CSMD1: variants seen among roughly 807,000 people sequenced by gnomAD.
The protein encoded by CSMD1 is CUB and sushi domain-containing protein 1.
In CSMD1, 213 loss-of-function variants were observed where a neutral mutation model predicts 417.5. That is an observed-to-expected ratio of 0.51 (90% confidence interval 0.46 to 0.57). The LOEUF (loss-of-function observed/expected upper bound fraction) is 0.57, where lower values mean the gene tolerates loss of function less well. CSMD1 is among the 20% of genes least tolerant of loss of function. The pLI is 0.00. For synonymous variants in CSMD1, 2,862 were observed against 1,736.8 expected, an observed-to-expected ratio of 1.65 and a Z score of -16.11; for missense variants, 6,923 against 4,529.7, an observed-to-expected ratio of 1.53 and a Z score of -15.17.
Position 2,937,677 on chromosome 8 carries a change from C to T in CSMD1, c.*908G>A, listed in dbSNP as rs906793477. 8 of 152,128 alleles carry T rather than the reference C, an allele frequency of 5.3e-5. No individual in the cohort carries two copies. Among genetic ancestry groups the T allele is most frequent in the African/African-American group, 1.9e-4 (8 of 41,388 alleles). The allele number at this position is 152,128 out of a possible 1,614,324, so 9.4% of individuals were successfully genotyped here. ...GGCTTCTGTTTTTTTCTCATTGGAC[C>T]TCTTCAATGAATTCAACACGTAAAT... On this transcript the variant is annotated 3_prime_UTR_variant, in exon 70 of 70. Transcript: ENST00000635120.
intron 3 of CSMD1, among the ~76,000 whole-genome samples, chr8:4,080,069 G>C (rs1466418225): frequency 1.3e-5 from 2 of 150,702 alleles, no homozygotes; most frequent in South Asian, 4.2e-4. Context: ...CGACTCATCT[G>C]ACAACAGTCT....
At chr8:2,992,320 G>A (rs1015721361) in intron 54 of CSMD1, among the ~76,000 whole-genome samples, 1 of 152,182 alleles carries the variant, frequency 6.6e-6, no homozygotes, top group Non-Finnish European at 1.5e-5. Flanking sequence ...AAACATCTGG[G>A]AACTAGACAG....
At chr8:4,440,390 GA>G (rs1244937083) in intron 2 of CSMD1, among the ~76,000 whole-genome samples, 49 of 152,202 alleles carry the variant, frequency 3.2e-4, no homozygotes, top group African/African-American at 1.2e-3. Flanking sequence ...GGAGTCAGAG[GA>G]TTGCTCTCAC....
At chr8:3,378,789 C>A (rs944246945) in intron 18 of CSMD1, among the ~76,000 whole-genome samples, 1 of 152,202 alleles carries the variant, frequency 6.6e-6, no homozygotes, top group African/African-American at 2.4e-5. Context: ...CAGCCAATAT[C>A]ATGCTGAATG....
chr8:3,923,258 A>T (rs1809404916), intron 5 of CSMD1, among the ~76,000 whole-genome samples: 1 of 151,990 alleles, frequency 6.6e-6, no homozygotes, highest in African/African-American at 2.4e-5. Flanking sequence ...GAGTCTGGTG[A>T]GTGGAGTGTC....
rs183887116 is a variant in CSMD1 at position 4,646,731 on chromosome 8, A to G, written c.86-9173T>C. Among the ~76,000 whole-genome samples, 394 of 152,332 alleles carry G rather than the reference A, an allele frequency of 2.6e-3. 2 individuals are homozygous for G. Among genetic ancestry groups the G allele is most frequent in the African/African-American group, 8.4e-3 (349 of 41,584 alleles). On this transcript the variant is annotated intron_variant, in intron 1 of 69. Coordinates refer to ENST00000635120, the MANE Select transcript of CSMD1 (RefSeq NM_033225.6). ...AGAGTTCACCTCCAAAGAGAAATTG[A>G]AATGTTAAAAAGTCATACTAAAACC...
chr8:4,808,392 G>C (rs1362172860), intron 1 of CSMD1, among the ~76,000 whole-genome samples: 3 of 152,166 alleles, frequency 2.0e-5, no homozygotes, highest in African/African-American at 4.8e-5. Flanking sequence ...CTTTTGCTAA[G>C]TTCTGTGAAT....
At chr8:4,440,949 A>T (rs1306502089) in intron 2 of CSMD1, among the ~76,000 whole-genome samples, 1 of 151,586 alleles carries the variant, frequency 6.6e-6, no homozygotes, top group Non-Finnish European at 1.5e-5. Context: ...GCGAGCCGAG[A>T]TCATGCCACT....
intron 5 of CSMD1, among the ~76,000 whole-genome samples, chr8:3,900,013 G>T (rs544896705): frequency 6.6e-6 from 1 of 152,318 alleles, no homozygotes; most frequent in African/African-American, 2.4e-5. Flanking sequence ...AATGCAGCTG[G>T]GTGACACTAG....
intron 3 of CSMD1, among the ~76,000 whole-genome samples, chr8:4,354,388 T>A (rs976174249): frequency 1.3e-5 from 2 of 152,166 alleles, no homozygotes; most frequent in East Asian, 3.9e-4. Context: ...TTCGTAACTA[T>A]TAAAATACAC....
intron 1 of CSMD1, among the ~76,000 whole-genome samples, chr8:4,754,502 T>G (rs1462434828): frequency 6.6e-6 from 1 of 151,986 alleles, no homozygotes; most frequent in African/African-American, 2.4e-5. Flanking sequence ...AAGTTTAGCA[T>G]AAATGCACTC....
intron 5 of CSMD1, among the ~76,000 whole-genome samples, chr8:3,967,456 G>T (rs1280985785): frequency 1.4e-5 from 1 of 70,808 alleles, no homozygotes; most frequent in Non-Finnish European, 2.5e-5. Flanking sequence ...TTTGCTAAAA[G>T]GAAAAAAAAA....
At position 4,567,966 on chromosome 8, in the gene CSMD1, G is replaced by A. The variant is rs139566889; in HGVS notation, c.302+69376C>T. 1.1e-3 allele frequency among the ~76,000 whole-genome samples: 170 copies of A among 152,208 alleles called. 1 individual carries two copies. Among genetic ancestry groups the A allele is most frequent in the African/African-American group, 3.7e-3 (153 of 41,536 alleles). On this transcript the variant is annotated intron_variant, in intron 2 of 69. Transcript: ENST00000635120. ...CGTAACAGAGATTCTTACAGCACAA[G>A]GACTGTTATTTAACTTTGAGTATCA...
In CSMD1 at chr8:4,712,781, C is replaced by T. The variant is rs561937500; in HGVS notation, c.86-75223G>A. 1.7e-3 allele frequency among the ~76,000 whole-genome samples: 254 copies of T among 152,122 alleles called. 1 individual carries two copies. The highest frequency in any genetic ancestry group is 6.8e-3 in the Middle Eastern group (2 of 294). ...CTCCTTCTTTCTTTTGGGACCACTG[C>T]CTGTTGGTTTCGTGCTGAGGCACAT... On this transcript the variant is annotated intron_variant, in intron 1 of 69. Coordinates refer to ENST00000635120, the MANE Select transcript of CSMD1 (RefSeq NM_033225.6).
In CSMD1 at chr8:4,139,880, T is replaced by A. The variant is rs368264259; in HGVS notation, c.416-107781A>T. 2.7e-4 allele frequency among the ~76,000 whole-genome samples: 40 copies of A among 150,828 alleles called. 3 individuals carry two copies. The highest frequency in any genetic ancestry group is 9.9e-4 in the African/African-American group (40 of 40,230). ...TGGAAATTTTAGATCAGCATGTTCA[T>A]CAGAAGCAAGGGTGGAAGGGAGGAC... On this transcript the variant is annotated intron_variant, in intron 3 of 69. Coordinates refer to ENST00000635120, the MANE Select transcript of CSMD1 (RefSeq NM_033225.6).
intron 7 of CSMD1, among the ~76,000 whole-genome samples, chr8:3,655,771 G>A (rs902476124): frequency 2.0e-5 from 3 of 152,006 alleles, no homozygotes; most frequent in African/African-American, 4.8e-5. Flanking sequence ...GGCTGTAGGA[G>A]GCAGGAAAGG....
chr8:4,155,126 T>C (rs911321598), intron 3 of CSMD1, among the ~76,000 whole-genome samples: 6 of 152,214 alleles, frequency 3.9e-5, no homozygotes, highest in East Asian at 1.9e-4. Context: ...GCATGCACTA[T>C]TGTTCCCATG....
intron 4 of CSMD1, among the ~76,000 whole-genome samples, chr8:4,010,428 T>A (rs77205100): frequency 0.028 from 4,284 of 152,254 alleles, 199 homozygotes; most frequent in African/African-American, 0.097. Flanking sequence ...GTCATTTCAA[T>A]GTCAACACAG....
intron 2 of CSMD1, among the ~76,000 whole-genome samples, chr8:4,603,522 T>A: frequency 6.6e-6 from 1 of 151,962 alleles, no homozygotes; most frequent in East Asian, 1.9e-4. Context: ...AGATAAGCAG[T>A]GGGTAAAATA....
Sources: gnomAD v4.1 joint callset for allele counts (sites outside exome capture counted in the v4.1 genomes callset) on GRCh38, gnomAD v4.1.1 for gene constraint, MANE v1.5 for transcripts, NCBI Gene and HGNC (gene_info 2026-07-23, HGNC 2026-07-21) for gene names.